Variants in IL31RA observed in about 807,000 individuals in gnomAD.
The protein encoded by IL31RA is interleukin-31 receptor subunit alpha.
A neutral mutation model predicts 83.7 loss-of-function variants in IL31RA; 66 were observed. The ratio of observed to expected loss-of-function variants is 0.79; its 90% CI spans 0.65 to 0.97. IL31RA has a LOEUF of 0.97. Among genes scored for constraint, IL31RA ranks in the 50% least tolerant of loss-of-function variants. The pLI is 0.00. For synonymous variants in IL31RA, 325 were observed against 329.0 expected, an observed-to-expected ratio of 0.99 and a Z score of 0.13; for missense variants, 798 against 919.4, an observed-to-expected ratio of 0.87 and a Z score of 1.71.
At chr5:55,858,220 A>G (rs917315999) in intron 1 of IL31RA, among the ~76,000 whole-genome samples, 4 of 152,196 alleles carry the variant, frequency 2.6e-5, no homozygotes, top group African/African-American at 9.6e-5. Context: ...ATTATTATTC[A>G]TTGATTCACT....
At position 55,859,894 on chromosome 5, in the gene IL31RA, G is replaced by A. The variant is rs138331478; in HGVS notation, c.154+295G>A. ...ATATAGTAGTCTCTCCTTATCTGTG[G>A]GGGAATATGTTCCAAGATCCTCAGT... On this transcript the variant is annotated intron_variant, in intron 2 of 14. Coordinates refer to ENST00000652347, the MANE Select transcript of IL31RA (RefSeq NM_139017.7). 2.5e-3 allele frequency among the ~76,000 whole-genome samples: 375 copies of A among 152,284 alleles called. 3 individuals carry two copies. The highest frequency in any genetic ancestry group is 8.5e-3 in the African/African-American group (355 of 41,554).
intron 4 of IL31RA, among the ~76,000 whole-genome samples, chr5:55,879,929 G>C (rs556210341): frequency 1.3e-5 from 2 of 152,204 alleles, no homozygotes; most frequent in African/African-American, 4.8e-5. Flanking sequence ...ACTACAGTAG[G>C]TATTTGTGTT....
At chr5:55,844,843 A>G in the IL31RA span, among the ~76,000 whole-genome samples, 1 of 151,746 alleles carries the variant, frequency 6.6e-6, no homozygotes, top group African/African-American at 2.4e-5. Context: ...GCAAGTTTCC[A>G]TTGTCAAATC....
intron 2 of IL31RA, among the ~76,000 whole-genome samples, chr5:55,862,443 G>T (rs1001379093): frequency 6.6e-6 from 1 of 151,766 alleles, no homozygotes; most frequent in African/African-American, 2.4e-5. Flanking sequence ...TCGCTCTGTC[G>T]CCCTGGCTGG....
chr5:55,896,475 C>G, intron 7 of IL31RA, 46 bp downstream of exon 7: 1 of 1,243,858 alleles, frequency 8.0e-7, no homozygotes, highest in Non-Finnish European at 1.2e-6. Flanking sequence ...TTCCCCTTCC[C>G]TCCTTTCCCT....
At chr5:55,866,169 T>C (rs1746034407) in intron 2 of IL31RA, among the ~76,000 whole-genome samples, 1 of 152,198 alleles carries the variant, frequency 6.6e-6, no homozygotes, top group African/African-American at 2.4e-5. Flanking sequence ...TCTGGATCCC[T>C]GTGTGCTACA....
chr5:55,886,381 C>G (rs1240110435), intron 5 of IL31RA, among the ~76,000 whole-genome samples: 1 of 145,178 alleles, frequency 6.9e-6, no homozygotes, highest in African/African-American at 2.6e-5. Context: ...TCAAGTGATT[C>G]TCCTGCCTCA....
At position 55,917,714 on chromosome 5, in the gene IL31RA, G is replaced by A. The variant is rs1749870786; in HGVS notation, c.*594G>A. Among the ~76,000 whole-genome samples the A allele has an allele frequency of 6.6e-6, 1 of 152,172 alleles. No homozygotes were observed. Among genetic ancestry groups the A allele is most frequent in the Non-Finnish European group, 1.5e-5 (1 of 68,026 alleles). On this transcript the variant is annotated 3_prime_UTR_variant, in exon 15 of 15. Transcript: ENST00000652347. ...TCCTCTTAGATCTCAAGTGCCTGTA[G>A]CAACACCGCACCTGAGAATCCTCAC... is the stretch of plus-strand genomic sequence containing the variant.
intron 12 of IL31RA, 62 bp from the exon 13 acceptor site, chr5:55,913,415 C>A: frequency 2.0e-6 from 2 of 1,008,276 alleles, no homozygotes; most frequent in Non-Finnish European, 3.2e-6. Flanking sequence ...AAAAGTTAAT[C>A]ATTGATTTTT....
chr5:55,913,613 A>C, intron 13 of IL31RA, 43 bp downstream of exon 13: 2 of 1,284,844 alleles, frequency 1.6e-6, no homozygotes, highest in Non-Finnish European at 2.3e-6. Context: ...AATCAGGGAC[A>C]AAAAGGGGTT....
chr5:55,889,536 C>T (rs6861890), intron 5 of IL31RA, among the ~76,000 whole-genome samples: 69,445 of 152,142 alleles, frequency 0.46, 16,218 homozygotes, highest in South Asian at 0.54. Flanking sequence ...TCCTGGGTCT[C>T]GTGGATGACG....
intron 12 of IL31RA, among the ~76,000 whole-genome samples, chr5:55,912,680 C>T (rs1303655728): frequency 1.3e-5 from 2 of 152,162 alleles, no homozygotes; most frequent in Non-Finnish European, 2.9e-5. Flanking sequence ...GCCTGTAATC[C>T]CAGCTACCAG....
intron 1 of IL31RA, 95 bp from the exon 2 acceptor site, chr5:55,859,414 T>G: frequency 1.1e-6 from 1 of 882,660 alleles, no homozygotes; most frequent in Non-Finnish European, 1.9e-6. Flanking sequence ...GGATCCTTCC[T>G]CCTTCCAAAA....
At chr5:55,852,048 C>T in intron 1 of IL31RA, 1 of 289,416 alleles carries the variant, frequency 3.5e-6, no homozygotes, top group South Asian at 3.7e-5. Flanking sequence ...CTTTAGTGAG[C>T]TGTTATGCAT....
At chr5:55,893,630 C>T (rs1748150617) in intron 6 of IL31RA, among the ~76,000 whole-genome samples, 1 of 152,002 alleles carries the variant, frequency 6.6e-6, no homozygotes. Context: ...AGAAGACTTA[C>T]ATGGTAGTGA....
intron 14 of IL31RA, among the ~76,000 whole-genome samples, chr5:55,916,052 G>A (rs529736683): frequency 2.0e-5 from 3 of 152,184 alleles, no homozygotes; most frequent in Admixed American, 6.5e-5. Flanking sequence ...ATGGGATTGT[G>A]TGGAAAATAG....
Position 55,906,095 on chromosome 5 carries a change from T to C in IL31RA, c.1070-11T>C. 1.2e-6 allele frequency: 2 copies of C among 1,613,224 alleles called. No individual in the cohort carries two copies. The highest frequency in any genetic ancestry group is 1.7e-6 in the Non-Finnish European group (2 of 1,179,854). ...GGGTAGCTGTGAAGCAGTCCTTTTC[T>C]CTCCTTTCAGCATTTCAGTGCATTG... is the stretch of plus-strand genomic sequence containing the variant. On this transcript the variant is annotated splice_polypyrimidine_tract_variant and intron_variant, in intron 8 of 14. Coordinates refer to ENST00000652347, the MANE Select transcript of IL31RA (RefSeq NM_139017.7).
chr5:55,860,107 G>A (rs1319470609), intron 2 of IL31RA, among the ~76,000 whole-genome samples: 1 of 152,190 alleles, frequency 6.6e-6, no homozygotes, highest in Non-Finnish European at 1.5e-5. Flanking sequence ...AGTGGCTCAT[G>A]CCTGTAATCC....
chr5:55,883,989 A>G (rs564964539), intron 5 of IL31RA, among the ~76,000 whole-genome samples: 17 of 152,326 alleles, frequency 1.1e-4, no homozygotes, highest in African/African-American at 3.8e-4. Context: ...TAGTATGAAC[A>G]TGATGGAATG....
Sources: gnomAD v4.1 joint callset for allele counts (sites outside exome capture counted in the v4.1 genomes callset) on GRCh38, gnomAD v4.1.1 for gene constraint, MANE v1.5 for transcripts, NCBI Gene and HGNC (gene_info 2026-07-23, HGNC 2026-07-21) for gene names.